Variants in SIPA1L1 observed in about 807,000 individuals in gnomAD.
SIPA1L1 encodes the protein signal induced proliferation associated 1 like 1, also known as signal-induced proliferation-associated 1-like protein 1.
Under a neutral mutation model 162.7 loss-of-function variants are expected in SIPA1L1, and 26 were observed. The observed-to-expected ratio is 0.16, with a 90% CI of 0.12 to 0.22. The LOEUF (loss-of-function observed/expected upper bound fraction) is 0.22. Among genes scored for constraint, SIPA1L1 ranks in the 10% least tolerant of loss-of-function variants. The pLI, the probability that SIPA1L1 is intolerant of heterozygous loss-of-function variation, is 1.00. For synonymous variants in SIPA1L1, 829 were observed against 837.4 expected (o/e 0.99, Z 0.17); for missense variants, 1,874 against 2,241.0 (o/e 0.84, Z 3.31).
At chr14:71,683,506 T>C (rs1438074615) in intron 12 of SIPA1L1, among the ~76,000 whole-genome samples, 1 of 152,226 alleles carries the variant, frequency 6.6e-6, no homozygotes, top group East Asian at 1.9e-4. Context: ...TATTTACTGA[T>C]CCAGAACATT....
In SIPA1L1 at chr14:71,368,152, T is replaced by C. The variant is rs530031839; in HGVS notation, c.-465+46971T>C. Reference sequence around the variant, plus strand: ...TATTTTTGTGGTATTCTTTTTTTTTTTTTCTTTCTTTTTTTTTTTTATTAT... The same window carrying C: ...TATTTTTGTGGTATTCTTTTTTTTTCTTTCTTTCTTTTTTTTTTTTATTAT... On this transcript the variant is annotated intron_variant, in intron 2 of 23. Transcript: ENST00000381232. Among the ~76,000 whole-genome samples the C allele has an allele frequency of 1.3e-4, 20 of 149,276 alleles. No individual in the cohort carries two copies. The East Asian group carries it at 1.9e-3, about 14-fold the overall frequency.
chr14:71,637,341 A>G (rs138251207), intron 7 of SIPA1L1, among the ~76,000 whole-genome samples: 2,059 of 152,302 alleles, frequency 0.014, 15 homozygotes, highest in Middle Eastern at 0.027. Context: ...GAGAGAGAGT[A>G]CATTGTACAT....
At chr14:71,461,802 T>C (rs1216793164) in intron 2 of SIPA1L1, among the ~76,000 whole-genome samples, 1 of 152,232 alleles carries the variant, frequency 6.6e-6, no homozygotes, top group African/African-American at 2.4e-5. Context: ...GCTGTAGTGC[T>C]GCAGCTGTCC....
At chr14:71,550,236 T>C (rs1440258761) in intron 4 of SIPA1L1, among the ~76,000 whole-genome samples, 1 of 151,988 alleles carries the variant, frequency 6.6e-6, no homozygotes, top group African/African-American at 2.4e-5. Flanking sequence ...AGTGACAGAG[T>C]GAGACACTGT....
At chr14:71,665,924 C>T (rs931946289) in intron 10 of SIPA1L1, among the ~76,000 whole-genome samples, 2 of 152,038 alleles carry the variant, frequency 1.3e-5, no homozygotes, top group Non-Finnish European at 2.9e-5. Flanking sequence ...TCTCAAAATA[C>T]CTCACTGTAC....
chr14:71,405,195 T>C (rs187077063), intron 2 of SIPA1L1, among the ~76,000 whole-genome samples: 1 of 152,182 alleles, frequency 6.6e-6, no homozygotes, highest in Non-Finnish European at 1.5e-5. Flanking sequence ...AGTAGATAGA[T>C]TGACCAGGAA....
At chr14:71,614,129 ACTC>A (rs2038546711) in intron 5 of SIPA1L1, among the ~76,000 whole-genome samples, 1 of 150,946 alleles carries the variant, frequency 6.6e-6, no homozygotes, top group Admixed American at 6.6e-5. Context: ...GAACAATTGA[ACTC>A]CTTTTAACCC....
intron 2 of SIPA1L1, among the ~76,000 whole-genome samples, chr14:71,431,696 AAAAT>A (rs1022637068): frequency 1.3e-5 from 2 of 152,148 alleles, no homozygotes; most frequent in South Asian, 2.1e-4. Context: ...TAGTGTCTAG[AAAAT>A]AAATAAATAA....
chr14:71,720,324 T>TA (rs1231416851), intron 17 of SIPA1L1, among the ~76,000 whole-genome samples: 4 of 152,208 alleles, frequency 2.6e-5, no homozygotes, highest in African/African-American at 9.6e-5. Context: ...CTCATGCCTG[T>TA]AATCCTAGCA....
intron 2 of SIPA1L1, among the ~76,000 whole-genome samples, chr14:71,455,682 A>G (rs996259301): frequency 1.3e-5 from 2 of 152,130 alleles, no homozygotes; most frequent in African/African-American, 4.8e-5. Context: ...ATCCTGTGAG[A>G]TGTCAGTGGA....
chr14:71,580,304 G>A (rs2033746402), intron 4 of SIPA1L1, among the ~76,000 whole-genome samples: 1 of 152,142 alleles, frequency 6.6e-6, no homozygotes, highest in Non-Finnish European at 1.5e-5. Context: ...TGCAGAAGGA[G>A]GACTGTGAAA....
At chr14:71,446,918 T>TTG in intron 2 of SIPA1L1, among the ~76,000 whole-genome samples, 1 of 109,616 alleles carries the variant, frequency 9.1e-6, no homozygotes, top group South Asian at 3.2e-4. Context: ...TTTTTTTTTT[T>TTG]TTTTTTTTTT....
chr14:71,680,575 AAGATC>A (rs1393316877), intron 12 of SIPA1L1, among the ~76,000 whole-genome samples: 1 of 152,226 alleles, frequency 6.6e-6, no homozygotes, highest in Non-Finnish European at 1.5e-5. Context: ...AGAAATAACT[AAGATC>A]AGAGAAGATC....
rs1003260662 is a variant in SIPA1L1 at position 71,489,085 on chromosome 14, A to C, written c.-464-23658A>C. Among the ~76,000 whole-genome samples the C allele has an allele frequency of 2.6e-5, 4 of 152,226 alleles. No individual in the cohort carries two copies. The South Asian group carries it at 8.3e-4, about 31-fold the overall frequency. On this transcript the variant is annotated intron_variant, in intron 2 of 23. Coordinates refer to ENST00000381232, the MANE Select transcript of SIPA1L1 (RefSeq NM_001386936.1). ...GTTTGGACCATTCCACAAGCAACTT[A>C]AACTGCTTAGGAGTCCAGCCAGACA...
Position 71,705,271 on chromosome 14 carries a change from A to G in SIPA1L1, c.3696A>G (p.Arg1232=), listed in dbSNP as rs1217276256. ...PAVSKVLPAF[R]ESPSGRLMRQ... ...TATCAAAGGTACTGCCAGCTTTCCGAGAGAGCCCCAGTGGGAGATTAATGC... is the reference window on the plus strand; with the variant it reads ...TATCAAAGGTACTGCCAGCTTTCCGGGAGAGCCCCAGTGGGAGATTAATGC... Residue 1232 remains arginine, a synonymous_variant, in exon 16 of 24, where the codon CGA becomes CGG. Transcript: ENST00000381232. 3 of 1,614,070 alleles carry G rather than the reference A, an allele frequency of 1.9e-6. No homozygotes were observed. The highest frequency in any genetic ancestry group is 2.5e-6 in the Non-Finnish European group (3 of 1,180,032).
At chr14:71,530,478 G>A (rs576936922) in intron 4 of SIPA1L1, among the ~76,000 whole-genome samples, 122 of 152,022 alleles carry the variant, frequency 8.0e-4, no homozygotes, top group African/African-American at 2.7e-3. Context: ...TGTTCTTTGT[G>A]TTTTCTTAGA....
intron 6 of SIPA1L1, among the ~76,000 whole-genome samples, chr14:71,621,988 G>C (rs1261652811): frequency 6.6e-6 from 1 of 152,082 alleles, no homozygotes; most frequent in East Asian, 1.9e-4. Flanking sequence ...TCCAGATATT[G>C]GTTCCTGTCT....
At chr14:71,597,106 A>G (rs144224336) in intron 5 of SIPA1L1, among the ~76,000 whole-genome samples, 9 of 152,144 alleles carry the variant, frequency 5.9e-5, no homozygotes, top group African/African-American at 2.2e-4. Context: ...AACAGCTGGG[A>G]TCACAAGCGT....
intron 15 of SIPA1L1, chr14:71,704,617 ATC>A: frequency 1.3e-6 from 1 of 761,230 alleles, no homozygotes. Context: ...TAAATTCTTT[ATC>A]TCTCACTTTT....
Sources: allele counts gnomAD v4.1 joint callset (sites outside exome capture counted in the v4.1 genomes callset), GRCh38; gene constraint gnomAD v4.1.1; transcripts MANE v1.5; gene names NCBI Gene and HGNC (gene_info 2026-07-23, HGNC 2026-07-21).